Variants in ANK2 observed in about 807,000 individuals in gnomAD.
ANK2 encodes the protein ankyrin 2, also known as ankyrin-2.
Under a neutral mutation model 360.5 loss-of-function variants are expected in ANK2, and 83 were observed. The observed-to-expected ratio is 0.23, with a 90% confidence interval of 0.19 to 0.28. The LOEUF is 0.28. Among genes scored for constraint, ANK2 ranks in the 10% least tolerant of loss-of-function variants. The pLI, the probability that ANK2 is intolerant of heterozygous loss-of-function variation, is 1.00. For missense variants in ANK2, 4,201 were observed against 4,795.7 expected (o/e 0.88, Z 3.66); for synonymous variants, 1,740 against 1,759.5 (o/e 0.99, Z 0.28).
intron 1 of ANK2, among the ~76,000 whole-genome samples, chr4:112,901,039 TACTTGGGA>T (rs1437239437): frequency 6.6e-6 from 1 of 152,202 alleles, no homozygotes; most frequent in Non-Finnish European, 1.5e-5. Flanking sequence ...TAATTTTTGG[TACTTGGGA>T]ACACACTATA....
At chr4:113,280,899 C>A (rs1405166391) in intron 17 of ANK2, among the ~76,000 whole-genome samples, 1 of 152,090 alleles carries the variant, frequency 6.6e-6, no homozygotes, top group Non-Finnish European at 1.5e-5. Flanking sequence ...CACATTGTAG[C>A]AAAAAGAAGT....
intron 29 of ANK2, among the ~76,000 whole-genome samples, chr4:113,335,005 C>T (rs961089072): frequency 5.9e-5 from 9 of 152,040 alleles, no homozygotes; most frequent in East Asian, 1.9e-4. Flanking sequence ...TCAAGAAAAA[C>T]GTAGTTGCTG....
intron 10 of ANK2, among the ~76,000 whole-genome samples, chr4:113,253,961 A>G (rs1054731913): frequency 3.9e-5 from 6 of 152,040 alleles, no homozygotes; most frequent in Non-Finnish European, 8.8e-5. Flanking sequence ...CTTAAACCAC[A>G]TTCTTCTCCT....
chr4:112,983,594 G>A (rs1218054603), intron 2 of ANK2, among the ~76,000 whole-genome samples: 1 of 151,976 alleles, frequency 6.6e-6, no homozygotes, highest in African/African-American at 2.4e-5. Flanking sequence ...AGAATTGCTT[G>A]AACCTGGGAG....
At position 113,355,295 on chromosome 4, in the gene ANK2, G is replaced by T; in HGVS notation, c.6677G>T (p.Ser2226Ile). ...CTGATGGAGGGGACCCCTCAGATTA[G>T]TTCAGAAGAAAGCTATAAGCATGAA... ...GSLMEGTPQI[S>I]SEESYKHEGL... is the part of the protein sequence containing the mutation. The change falls in exon 38 of 46, where the codon AGT becomes ATT. Residue 2226 changes from serine to isoleucine, a missense_variant. Physicochemically the swap from Ser to Ile is moderately radical, Grantham distance 142 (BLOSUM62 -2). Transcript: ENST00000357077. 1 of 1,614,016 alleles carries T rather than the reference G, an allele frequency of 6.2e-7. No individual in the cohort carries two copies. Among genetic ancestry groups the T allele is most frequent in the Non-Finnish European group, 8.5e-7 (1 of 1,179,954 alleles).
At chr4:112,912,607 G>C (rs925835063) in intron 2 of ANK2, among the ~76,000 whole-genome samples, 2 of 151,994 alleles carry the variant, frequency 1.3e-5, no homozygotes, top group Non-Finnish European at 2.9e-5. Flanking sequence ...ACAATTATGA[G>C]AGCTTAATAG....
At chr4:113,376,825 T>G (rs1367295259) in intron 45 of ANK2, among the ~76,000 whole-genome samples, 1 of 124,256 alleles carries the variant, frequency 8.0e-6, no homozygotes, top group Non-Finnish European at 1.7e-5. Flanking sequence ...TTTTTTTGGC[T>G]AAAAACAAAG....
At chr4:113,040,587 C>G (rs993296285) in intron 2 of ANK2, among the ~76,000 whole-genome samples, 3 of 152,102 alleles carry the variant, frequency 2.0e-5, no homozygotes, top group African/African-American at 7.2e-5. Context: ...ACACAAAGAT[C>G]TTTCCTCCCT....
intron 2 of ANK2, among the ~76,000 whole-genome samples, chr4:112,992,722 C>A (rs2047233218): frequency 1.3e-5 from 2 of 152,158 alleles, no homozygotes; most frequent in African/African-American, 4.8e-5. Flanking sequence ...GAGGGCTCCA[C>A]CCTCATGATC....
the ANK2 span, among the ~76,000 whole-genome samples, chr4:112,799,023 A>G: frequency 6.6e-6 from 1 of 152,124 alleles, no homozygotes; most frequent in Non-Finnish European, 1.5e-5. Flanking sequence ...TTCTGTCTGT[A>G]TGAGTTTGAC....
intron 7 of ANK2, among the ~76,000 whole-genome samples, chr4:113,239,712 A>G (rs563450362): frequency 9.7e-4 from 148 of 152,314 alleles, no homozygotes; most frequent in African/African-American, 3.5e-3. Flanking sequence ...TTTTTTAAAC[A>G]TTTTGAGAGT....
intron 45 of ANK2, among the ~76,000 whole-genome samples, chr4:113,378,628 T>C (rs1048273698): frequency 6.6e-6 from 1 of 152,254 alleles, no homozygotes; most frequent in Non-Finnish European, 1.5e-5. Flanking sequence ...GCTTTATGAT[T>C]CTGCATGTGA....
chr4:113,104,102 G>C (rs1232960931), intron 1 of ANK2, among the ~76,000 whole-genome samples: 1 of 152,044 alleles, frequency 6.6e-6, no homozygotes, highest in Non-Finnish European at 1.5e-5. Context: ...CCAGCTTGTT[G>C]TTCTTTTCAG....
At chr4:112,709,683 A>G in the ANK2 span, among the ~76,000 whole-genome samples, 1 of 152,168 alleles carries the variant, frequency 6.6e-6, no homozygotes, top group Non-Finnish European at 1.5e-5. Flanking sequence ...CAGGAGGCGG[A>G]GGTTGCGGTG....
intron 37 of ANK2, chr4:113,350,775 T>G (rs962474128): frequency 6.5e-6 from 1 of 152,862 alleles, no homozygotes; most frequent in African/African-American, 2.4e-5. Context: ...TGTGGTGAAG[T>G]GTAACCAATG....
chr4:112,790,484 CTTTTTT>C, the ANK2 span, among the ~76,000 whole-genome samples: 2 of 113,794 alleles, frequency 1.8e-5, no homozygotes, highest in Non-Finnish European at 1.8e-5. Context: ...CTTTTCTTTT[CTTTTTT>C]TTTTTTTTTT....
chr4:112,843,166 G>T (rs528296114), intron 1 of ANK2, among the ~76,000 whole-genome samples: 5 of 152,274 alleles, frequency 3.3e-5, no homozygotes, highest in African/African-American at 1.2e-4. Flanking sequence ...CCCGTTTGCC[G>T]TATAAAATGA....
intron 2 of ANK2, among the ~76,000 whole-genome samples, chr4:112,985,616 A>G (rs115340764): frequency 0.021 from 3,228 of 152,286 alleles, 60 homozygotes; most frequent in African/African-American, 0.052. Context: ...TTTCAGTGTT[A>G]GTTCTTTGAA....
intron 1 of ANK2, among the ~76,000 whole-genome samples, chr4:113,161,695 CGTGTGTGTGTGT>C (rs56162406): frequency 0.012 from 1,716 of 144,826 alleles, 24 homozygotes; most frequent in Non-Finnish European, 0.018. Flanking sequence ...GTTTTAGTCT[CGTGTGTGTGTGT>C]GTGTGTGTGT....
Sources: allele counts gnomAD v4.1 joint callset (sites outside exome capture counted in the v4.1 genomes callset), GRCh38; gene constraint gnomAD v4.1.1; transcripts MANE v1.5; gene names NCBI Gene and HGNC (gene_info 2026-07-23, HGNC 2026-07-21).